The following POLD1 variants were observed in gnomAD, a reference collection of about 807,000 sequenced individuals.
POLD1 encodes DNA polymerase delta catalytic subunit.
Under a neutral mutation model 129.7 loss-of-function variants are expected in POLD1, and 79 were observed. The observed-to-expected ratio is 0.61, with a 90% confidence interval of 0.51 to 0.73. POLD1 has a LOEUF of 0.73. Among genes scored for constraint, POLD1 ranks in the 30% least tolerant of loss-of-function variants. POLD1 has a pLI of 0.00. For missense variants in POLD1, 1,338 were observed against 1,595.8 expected (o/e 0.84, Z 2.75); for synonymous variants, 714 against 683.3 (o/e 1.04, Z -0.70).
chr19:50,398,353 C>T (rs775989215), intron 1 of POLD1, among the ~76,000 whole-genome samples: 2 of 151,920 alleles, frequency 1.3e-5, no homozygotes. Flanking sequence ...GAGTGGATCA[C>T]CTGAGGTCAG....
Position 50,416,643 on chromosome 19 carries a change from C to A in POLD1, c.2987C>A (p.Thr996Lys), listed in dbSNP as rs918661445. 3 of 1,565,982 alleles carry A rather than the reference C, an allele frequency of 1.9e-6. No homozygotes were observed. The highest frequency in any genetic ancestry group is 2.6e-6 in the Non-Finnish European group (3 of 1,159,980). The change falls in exon 24 of 27, where the codon ACG (threonine) becomes AAG (lysine). Residue 996 changes from threonine (T) to lysine (K), a missense_variant. By Grantham distance (78) the Thr-to-Lys change is moderately conservative. Coordinates refer to ENST00000440232, the MANE Select transcript of POLD1 (RefSeq NM_002691.4). Reference sequence around the variant, plus strand: ...CACACGCGCTGCAAGACGGTGCTCACGGGCAAGGTGGGCGGCCTCCTGGCC... The same window carrying A: ...CACACGCGCTGCAAGACGGTGCTCAAGGGCAAGGTGGGCGGCCTCCTGGCC... ...GDHTRCKTVLTGKVGGLLAFA... is the reference protein window; with the variant it reads ...GDHTRCKTVLKGKVGGLLAFA...
intron 1 of POLD1, among the ~76,000 whole-genome samples, chr19:50,391,176 A>G (rs1278394601): frequency 6.7e-6 from 1 of 149,950 alleles, no homozygotes; most frequent in East Asian, 2.0e-4. Flanking sequence ...ATCTCAGACG[A>G]TGAGCAGCCG....
intron 19 of POLD1, 130 bp from the exon 20 acceptor site, chr19:50,414,685 G>C (rs2039209114): frequency 2.9e-6 from 2 of 687,512 alleles, no homozygotes; most frequent in Admixed American, 3.5e-5. Flanking sequence ...CATCCCACCA[G>C]GCTCAGGGCA....
rs146960286 is a variant in POLD1 at position 50,413,783 on chromosome 19, C to T, written c.2292C>T (p.Gly764=). The change falls in exon 19 of 27, where the codon GGC becomes GGT. Residue 764 remains glycine (G), a synonymous_variant. Transcript: ENST00000440232. ...GDTDSVMCRF[G]VSSVAEAMAL... Reference sequence around the variant, plus strand: ...CTGACTCCGTCATGTGCCGATTCGGCGTGTCCTCGGTGGCTGAGGCGATGG... The same window carrying T: ...CTGACTCCGTCATGTGCCGATTCGGTGTGTCCTCGGTGGCTGAGGCGATGG... The T allele has an allele frequency of 5.0e-6, 8 of 1,611,650 alleles. No homozygotes were observed. The African/African-American group carries it at 9.3e-5, about 19-fold the overall frequency.
At position 50,417,125 on chromosome 19, in the gene POLD1, C is replaced by T. The variant is rs749722222; in HGVS notation, c.3120+28C>T. The stretch of plus-strand genomic sequence containing the variant: ...GAGAGGGCCGGGAGGTGAGGAGGGG[C>T]CAGGTGGGGAGGCGGGGGCGCCCTG... On this transcript the variant is annotated intron_variant, in intron 25 of 26. Transcript: ENST00000440232. 6.4e-7 allele frequency: 1 copy of T among 1,570,626 alleles called. No homozygotes were observed. The highest frequency in any genetic ancestry group is 8.6e-7 in the Non-Finnish European group (1 of 1,157,272).
In POLD1 at chr19:50,415,489, G is replaced by A. The variant is rs766256332; in HGVS notation, c.2616G>A (p.Leu872=). The A allele has an allele frequency of 1.4e-5, 22 of 1,613,226 alleles. No individual in the cohort carries two copies. The African/African-American group carries it at 2.1e-4, about 16-fold the overall frequency. Residue 872 remains leucine (L), a synonymous_variant, in exon 21 of 27, where the codon CTG becomes CTA. Coordinates refer to ENST00000440232, the MANE Select transcript of POLD1 (RefSeq NM_002691.4). The part of the protein sequence containing the change: ...AHAQDVISDL[L]CNRIDISQLV... ...CACAGGACGTCATCTCGGACCTGCT[G>A]TGCAACCGCATCGATATCTCCCAGC... is the stretch of plus-strand genomic sequence containing the variant.
Position 50,406,521 on chromosome 19 carries a change from C to G in POLD1, c.1494+4C>G, listed in dbSNP as rs1484829299. 1 of 1,560,050 alleles carries G rather than the reference C, an allele frequency of 6.4e-7. No homozygotes were observed. Among genetic ancestry groups the G allele is most frequent in the South Asian group, 1.2e-5 (1 of 85,486 alleles). On this transcript the variant is annotated splice_donor_region_variant and intron_variant, in intron 12 of 26. Coordinates refer to ENST00000440232, the MANE Select transcript of POLD1 (RefSeq NM_002691.4). The surrounding 1 kb of genome is among the most constrained non-coding windows in gnomAD (Gnocchi z 5.5). The stretch of plus-strand genomic sequence containing the variant: ...CAGCATCATCACCGACCTGCAGGTG[C>G]CTGCTGCCTCCCTGACCTCTCACCC...
rs111698572 is a variant in POLD1 at position 50,417,049 on chromosome 19, C to T, written c.3072C>T (p.Ala1024=). ...GGCTGACCCGCCTCCCCACAGGAGC[C>T]GTGTGTGAGTTCTGCCAGCCCCGGG... The part of the protein sequence containing the change: ...GCRTVLSHQG[A]VCEFCQPRES... The change falls in exon 25 of 27, where the codon GCC becomes GCT. Residue 1024 remains alanine (A), a synonymous_variant. Transcript: ENST00000440232. 4.1e-5 allele frequency: 64 copies of T among 1,550,806 alleles called. No homozygotes were observed. Among genetic ancestry groups the T allele is most frequent in the African/African-American group, 2.7e-4 (20 of 73,162 alleles).
intron 1 of POLD1, among the ~76,000 whole-genome samples, chr19:50,386,966 G>A (rs901311050): frequency 2.0e-5 from 3 of 151,352 alleles, no homozygotes; most frequent in Non-Finnish European, 4.4e-5. Flanking sequence ...GCCGAGGCGG[G>A]CAGATCATGA....
Position 50,417,141 on chromosome 19 carries a change from G to C in POLD1, c.3121-31G>C, listed in dbSNP as rs761661879. 22 of 1,574,710 alleles carry C rather than the reference G, an allele frequency of 1.4e-5. No homozygotes were observed. The East Asian group carries it at 3.3e-4, about 23-fold the overall frequency. ...GAGGAGGGGCCAGGTGGGGAGGCGG[G>C]GGCGCCCTGCTCAGCCGCTGCCGTC... is the stretch of plus-strand genomic sequence containing the variant. On this transcript the variant is annotated intron_variant, in intron 25 of 26. Transcript: ENST00000440232.
Position 50,409,296 on chromosome 19 carries a change from G to A in POLD1, c.2006+61G>A, listed in dbSNP as rs899942122. On this transcript the variant is annotated intron_variant, in intron 16 of 26. Coordinates refer to ENST00000440232, the MANE Select transcript of POLD1 (RefSeq NM_002691.4). The surrounding 1 kb of genome is among the most constrained non-coding windows in gnomAD (Gnocchi z 5.8). ...CTGTTGGGGCCTCTGGGCAATCCCT[G>A]TCCCTCACTGGGACACCCCAGGGCT... is the stretch of plus-strand genomic sequence containing the variant. The A allele has an allele frequency of 2.3e-6, 3 of 1,328,334 alleles. No individual in the cohort carries two copies. Among genetic ancestry groups the A allele is most frequent in the African/African-American group, 2.9e-5 (2 of 69,330 alleles). The allele number at this position is 1,328,334 out of a possible 1,614,324, so 82.3% of individuals were successfully genotyped here.
intron 3 of POLD1, among the ~76,000 whole-genome samples, chr19:50,400,724 T>C (rs1373800315): frequency 7.0e-6 from 1 of 142,874 alleles, no homozygotes; most frequent in Non-Finnish European, 1.5e-5. Context: ...TGAGACGGAG[T>C]CTTGCTCTGT....
chr19:50,398,790 G>T (rs1022171666), intron 1 of POLD1, 61 bp from the exon 2 acceptor site: 8 of 1,565,598 alleles, frequency 5.1e-6, no homozygotes, highest in Non-Finnish European at 6.9e-6. Context: ...GGGATGCCAT[G>T]GAGACAGGGT....
rs773180520 is a variant in POLD1, at chr19:50,408,795, G to A, written c.1786G>A (p.Val596Ile). The A allele has an allele frequency of 1.5e-5, 24 of 1,613,644 alleles. No homozygotes were observed. The highest frequency in any genetic ancestry group is 1.3e-4 in the Admixed American group (8 of 59,998). Residue 596 changes from valine to isoleucine, a missense_variant, in exon 15 of 27, where the codon GTC (valine) becomes ATC (isoleucine). Physicochemically the swap from Val to Ile is conservative, Grantham distance 29. Around this residue, in one of 3 missense-constraint regions of POLD1, gnomAD observed 720 missense variants for 1,002.6 expected, o/e 0.72. Transcript: ENST00000440232. ...VIEPLKGYYD[V>I]PIATLDFSSL... Reference sequence around the variant, plus strand: ...CTGCTCCCCTCCCAGGTACTACGACGTCCCCATCGCCACCCTGGACTTCTC... The same window carrying A: ...CTGCTCCCCTCCCAGGTACTACGACATCCCCATCGCCACCCTGGACTTCTC...
chr19:50,385,526 CTTTT>C (rs760846797), intron 1 of POLD1, among the ~76,000 whole-genome samples: 1,469 of 128,918 alleles, frequency 0.011, 18 homozygotes, highest in African/African-American at 0.039. Flanking sequence ...ACTGTCTTCT[CTTTT>C]TTTTTTTTTT....
rs769138383 is a variant in POLD1, at chr19:50,413,714, CACAT to C, written c.2251-24_2251-21del. On this transcript the variant is annotated intron_variant, in intron 18 of 26. Transcript: ENST00000440232. ...AGTTGACAGAAGGGACCCTGCTTCT[CACAT>C]ACACACATCCCCACCGCCCGCAGGT... The C allele has an allele frequency of 7.0e-6, 11 of 1,577,476 alleles. No homozygotes were observed. The Admixed American group carries it at 1.2e-4, about 18-fold the overall frequency.
Position 50,406,816 on chromosome 19 carries a change from A to G in POLD1, c.1495-167A>G, listed in dbSNP as rs966368440. ...GGCCCTGTGGACTCCCTGGCCCCCA[A>G]CCCTACCTCCATCCCCACCCAGACC... is the stretch of plus-strand genomic sequence containing the variant. On this transcript the variant is annotated intron_variant, in intron 12 of 26. Transcript: ENST00000440232. The surrounding 1 kb of genome is among the most constrained non-coding windows in gnomAD (Gnocchi z 5.5). 2.5e-4 allele frequency among the ~76,000 whole-genome samples: 38 copies of G among 150,854 alleles called. No individual in the cohort carries two copies. The highest frequency in any genetic ancestry group is 5.9e-4 in the Admixed American group (9 of 15,154).
intron 19 of POLD1, among the ~76,000 whole-genome samples, 196 bp downstream of exon 19, chr19:50,414,075 C>T (rs1451610714): frequency 6.6e-6 from 1 of 152,220 alleles, no homozygotes; most frequent in African/African-American, 2.4e-5. Context: ...TCTTTGAAAA[C>T]CCTGTCGCTG....
intron 19 of POLD1, among the ~76,000 whole-genome samples, chr19:50,414,442 G>T (rs1386637155): frequency 1.3e-5 from 2 of 152,232 alleles, no homozygotes; most frequent in African/African-American, 4.8e-5. Context: ...CTCGTGCCAG[G>T]CCTTGGACTT....
Sources: gnomAD v4.1 joint callset for allele counts (sites outside exome capture counted in the v4.1 genomes callset) on GRCh38, gnomAD v4.1.1 for gene constraint, gnomAD v4.1.1 regional missense constraint, Gnocchi (gnomAD v3.1) non-coding constraint, MANE v1.5 for transcripts, NCBI Gene and HGNC (gene_info 2026-07-23, HGNC 2026-07-21) for gene names.